Variants in NRXN1 observed in about 807,000 individuals in gnomAD.
NRXN1 encodes the protein neurexin-1.
Under a neutral mutation model 150.9 loss-of-function variants are expected in NRXN1, and 39 were observed. The observed-to-expected ratio is 0.26, with a 90% confidence interval of 0.20 to 0.34. NRXN1 has a LOEUF of 0.34. NRXN1 is among the 10% of genes least tolerant of loss of function. NRXN1 has a pLI of 1.00. For synonymous variants in NRXN1, 924 were observed against 757.0 expected, an observed-to-expected ratio of 1.22 and a Z score of -3.62; for missense variants, 1,815 against 1,949.9, an observed-to-expected ratio of 0.93 and a Z score of 1.30.
At chr2:50,971,960 G>T (rs560358179) in intron 2 of NRXN1, among the ~76,000 whole-genome samples, 17 of 152,128 alleles carry the variant, frequency 1.1e-4, no homozygotes, top group African/African-American at 3.9e-4. Context: ...TTTTCCCAAA[G>T]AGAATCTTAA....
chr2:50,512,466 A>T (rs964142539), intron 12 of NRXN1, among the ~76,000 whole-genome samples: 1 of 152,222 alleles, frequency 6.6e-6, no homozygotes, highest in Non-Finnish European at 1.5e-5. Flanking sequence ...TAATCACTAT[A>T]AATTATATTT....
At chr2:50,223,191 G>A (rs1277754835) in intron 18 of NRXN1, among the ~76,000 whole-genome samples, 3 of 151,184 alleles carry the variant, frequency 2.0e-5, no homozygotes. Context: ...AAATTAGTAA[G>A]TTAAAAAAAA....
Position 50,670,606 on chromosome 2 carries a change from T to G in NRXN1, c.833-46991A>C, listed in dbSNP as rs185592287. 2.6e-3 allele frequency among the ~76,000 whole-genome samples: 396 copies of G among 152,028 alleles called. 8 individuals are homozygous for G. The highest frequency in any genetic ancestry group is 0.024 in the Admixed American group (364 of 15,238). The stretch of plus-strand genomic sequence containing the variant: ...ACCAAATTACAGACTTTATGTGGAC[T>G]TCACCAGTTTTTCCATGAATCTTCT... On this transcript the variant is annotated intron_variant, in intron 5 of 22. Coordinates refer to ENST00000401669, the MANE Select transcript of NRXN1 (RefSeq NM_001330078.2).
chr2:49,986,737 G>A (rs929471608), intron 21 of NRXN1, among the ~76,000 whole-genome samples: 1 of 152,040 alleles, frequency 6.6e-6, no homozygotes, highest in Non-Finnish European at 1.5e-5. Context: ...TTTGTTTTGG[G>A]AACACTCAAA....
intron 5 of NRXN1, among the ~76,000 whole-genome samples, chr2:50,785,725 C>T (rs768869276): frequency 4.6e-5 from 7 of 152,068 alleles, no homozygotes; most frequent in Non-Finnish European, 1.0e-4. Flanking sequence ...GTGAGTAGAG[C>T]AGGAGCTTCT....
rs114082648 is a variant in NRXN1, at chr2:50,313,892, G to A, written c.3365-76922C>T. 4.4e-3 allele frequency among the ~76,000 whole-genome samples: 673 copies of A among 152,172 alleles called. 6 individuals carry two copies. The highest frequency in any genetic ancestry group is 0.015 in the African/African-American group (641 of 41,532). On this transcript the variant is annotated intron_variant, in intron 17 of 22. Transcript: ENST00000401669. ...GAATCTGGGCACAGGGACTTTGCCT[G>A]CAGCTGTCATGGGGAGCTCTGCTGT...
In NRXN1 at chr2:50,531,284, C is replaced by T. The variant is rs1326180237; in HGVS notation, c.2290G>A (p.Ala764Thr). The T allele has an allele frequency of 6.2e-7, 1 of 1,613,564 alleles. No individual in the cohort carries two copies. The highest frequency in any genetic ancestry group is 1.7e-5 in the Admixed American group (1 of 59,968). Residue 764 changes from alanine to threonine, a missense_variant, in exon 11 of 23, where the codon GCT becomes ACT. By Grantham distance (58) the Ala-to-Thr change is moderately conservative. Coordinates refer to ENST00000401669, the MANE Select transcript of NRXN1 (RefSeq NM_001330078.2). ...TCTAGCTCCAGGCGGAGGGTGTCAG[C>T]AGAGTCTCTAGAAGTGGTTGCCATC... ...ILMATTSRDS[A>T]DTLRLELDAG...
chr2:50,780,689 T>G (rs1203218400), intron 5 of NRXN1, among the ~76,000 whole-genome samples: 1 of 152,202 alleles, frequency 6.6e-6, no homozygotes, highest in Non-Finnish European at 1.5e-5. Flanking sequence ...TAATTTTTCT[T>G]ACTACTAATA....
At chr2:50,727,191 T>C (rs995529649) in intron 5 of NRXN1, among the ~76,000 whole-genome samples, 9 of 152,182 alleles carry the variant, frequency 5.9e-5, no homozygotes, top group Admixed American at 1.3e-4. Context: ...TAAAGAGATA[T>C]AATTCCTTAT....
At chr2:50,328,218 G>GTT (rs1178710434) in intron 17 of NRXN1, among the ~76,000 whole-genome samples, 1 of 146,082 alleles carries the variant, frequency 6.8e-6, no homozygotes, top group Non-Finnish European at 1.5e-5. Context: ...AATTTTTTTT[G>GTT]TTTTTTTTTT....
At chr2:50,350,801 G>A (rs1203386067) in intron 17 of NRXN1, among the ~76,000 whole-genome samples, 1 of 152,082 alleles carries the variant, frequency 6.6e-6, no homozygotes, top group Non-Finnish European at 1.5e-5. Context: ...GAGAAAGGAT[G>A]GGCCAGAAAT....
chr2:50,321,649 A>T (rs2076048226), intron 17 of NRXN1, among the ~76,000 whole-genome samples: 1 of 152,126 alleles, frequency 6.6e-6, no homozygotes, highest in Non-Finnish European at 1.5e-5. Flanking sequence ...AGCAAATGAG[A>T]GAGGCAAGGT....
intron 16 of NRXN1, among the ~76,000 whole-genome samples, chr2:50,467,095 A>G (rs4971680): frequency 0.73 from 110,660 of 151,544 alleles, 41,082 homozygotes; most frequent in African/African-American, 0.87. Context: ...AATATAATCC[A>G]TCATAAAGGA....
intron 5 of NRXN1, among the ~76,000 whole-genome samples, chr2:50,880,300 CT>C (rs1321886706): frequency 6.6e-6 from 1 of 151,950 alleles, no homozygotes; most frequent in African/African-American, 2.4e-5. Context: ...GATTTCTTTT[CT>C]AACCAACTGA....
intron 18 of NRXN1, among the ~76,000 whole-genome samples, chr2:50,161,656 A>G (rs1574249640): frequency 1.3e-5 from 2 of 152,288 alleles, no homozygotes; most frequent in East Asian, 3.9e-4. Context: ...AAAGTCCATA[A>G]TAATTTTGAT....
intron 18 of NRXN1, chr2:50,185,435 C>A (rs534621069): frequency 2.6e-5 from 4 of 152,030 alleles, no homozygotes; most frequent in Non-Finnish European, 5.9e-5. Flanking sequence ...AAGAAGTTCT[C>A]TCCTTCCTGA....
chr2:50,275,530 G>T (rs901792653), intron 17 of NRXN1, among the ~76,000 whole-genome samples: 2 of 151,642 alleles, frequency 1.3e-5, no homozygotes, highest in Admixed American at 6.6e-5. Flanking sequence ...ATGGGTAGTT[G>T]TCTTCACTTA....
chr2:50,169,388 T>C (rs997559891), intron 18 of NRXN1, among the ~76,000 whole-genome samples: 1 of 152,110 alleles, frequency 6.6e-6, no homozygotes, highest in Non-Finnish European at 1.5e-5. Flanking sequence ...AGTTTATTTC[T>C]GCACTAAGTG....
intron 10 of NRXN1, among the ~76,000 whole-genome samples, chr2:50,532,910 T>C (rs116052922): frequency 0.031 from 4,684 of 152,288 alleles, 80 homozygotes; most frequent in East Asian, 0.068. Flanking sequence ...GGATGCTACT[T>C]AATAAAGAAA....
Sources: gnomAD v4.1 joint callset for allele counts (sites outside exome capture counted in the v4.1 genomes callset) on GRCh38, gnomAD v4.1.1 for gene constraint, MANE v1.5 for transcripts, NCBI Gene and HGNC (gene_info 2026-07-23, HGNC 2026-07-21) for gene names.